MBTPS1: variants seen among roughly 807,000 people sequenced by gnomAD.
MBTPS1 encodes the protein membrane-bound transcription factor site-1 protease.
In MBTPS1, 94 loss-of-function variants were observed where a neutral mutation model predicts 127.8. That is an observed-to-expected ratio of 0.74 (90% CI 0.62 to 0.87). The LOEUF is 0.87. Ranked by LOEUF, MBTPS1 falls within the 40% of genes least tolerant of loss-of-function variation. The pLI is 0.00. For synonymous variants in MBTPS1, 632 were observed against 509.4 expected, an observed-to-expected ratio of 1.24 and a Z score of -3.24; for missense variants, 1,636 against 1,353.2, an observed-to-expected ratio of 1.21 and a Z score of -3.28.
intron 3 of MBTPS1, among the ~76,000 whole-genome samples, chr16:84,097,755 T>A (rs1399945226): frequency 6.6e-6 from 1 of 152,122 alleles, no homozygotes; most frequent in Admixed American, 6.6e-5. Context: ...ATACATAACA[T>A]CTGGAGTAGC....
chr16:84,111,482 A>C (rs1443462986), intron 1 of MBTPS1, among the ~76,000 whole-genome samples: 2 of 152,098 alleles, frequency 1.3e-5, no homozygotes. Context: ...CAGAGGTTGC[A>C]GTGAGCCAAG....
chr16:84,100,938 G>A (rs1338957927), intron 2 of MBTPS1, among the ~76,000 whole-genome samples: 2 of 149,916 alleles, frequency 1.3e-5, no homozygotes, highest in East Asian at 3.9e-4. Flanking sequence ...GTGATCACTT[G>A]AGGTCAGGAG....
At chr16:84,084,368 G>C (rs2085987180) in intron 10 of MBTPS1, among the ~76,000 whole-genome samples, 1 of 152,198 alleles carries the variant, frequency 6.6e-6, no homozygotes, top group Admixed American at 6.5e-5. Context: ...GTGACTGTCA[G>C]TCCCTGGTGG....
chr16:84,067,667 C>A lies in MBTPS1; in HGVS notation c.2228G>T (p.Arg743Met). ...RKVKFYDENT[R>M]QWWMPDTGGA... ...AAATACCAATGCGTATCAACAGTAC[C>A]TTGTGTTTTCATCATAAAACTTCAC... Residue 743 changes from arginine to methionine, a missense_variant and splice_region_variant, in exon 16 of 23, where the codon AGG becomes ATG. Arg to Met is a moderately conservative substitution (Grantham distance 91). Coordinates refer to ENST00000343411, the MANE Select transcript of MBTPS1 (RefSeq NM_003791.4). 6.2e-7 allele frequency: 1 copy of A among 1,610,274 alleles called. No homozygotes were observed. The highest frequency in any genetic ancestry group is 8.5e-7 in the Non-Finnish European group (1 of 1,176,820).
chr16:84,079,932 C>T (rs1597325437), intron 11 of MBTPS1, among the ~76,000 whole-genome samples: 3 of 152,240 alleles, frequency 2.0e-5, no homozygotes, highest in Middle Eastern at 3.4e-3. Flanking sequence ...TGGAGCACCC[C>T]GAGTGCCCAG....
At position 84,067,750 on chromosome 16, in the gene MBTPS1, G is replaced by T. The variant is rs200431341; in HGVS notation, c.2145C>A (p.Asp715Glu). 8.7e-6 allele frequency: 14 copies of T among 1,614,030 alleles called. No individual in the cohort carries two copies. The highest frequency in any genetic ancestry group is 1.2e-5 in the Non-Finnish European group (14 of 1,179,866). ...TGAAGATGACGAGCGAGAGGCCGTT[G>T]TCCACGTCCCTCCGGAGCTTGGCGA... ...EEIAKLRRDV[D>E]NGLSLVIFSD... Residue 715 changes from aspartate to glutamate, a missense_variant, in exon 16 of 23, where the codon GAC (aspartate) becomes GAA (glutamate). Physicochemically the swap from Asp to Glu is conservative, Grantham distance 45. Transcript: ENST00000343411.
intron 1 of MBTPS1, among the ~76,000 whole-genome samples, chr16:84,102,793 CTTT>C (rs908014342): frequency 6.6e-6 from 1 of 152,184 alleles, no homozygotes; most frequent in African/African-American, 2.4e-5. Context: ...TTAACACCTT[CTTT>C]AAGAAACACT....
intron 9 of MBTPS1, among the ~76,000 whole-genome samples, chr16:84,085,581 C>G (rs1480393885): frequency 2.8e-5 from 3 of 108,550 alleles, no homozygotes; most frequent in South Asian, 6.9e-4. Context: ...GCCCCCCCCC[C>G]AAAAAAAAAG....
At chr16:84,073,021 T>C (rs1254038098) in intron 12 of MBTPS1, among the ~76,000 whole-genome samples, 1 of 152,246 alleles carries the variant, frequency 6.6e-6, no homozygotes, top group Non-Finnish European at 1.5e-5. Flanking sequence ...TTCAGTGAAA[T>C]GTTTATAATT....
chr16:84,111,198 AAG>A (rs1195918518), intron 1 of MBTPS1, among the ~76,000 whole-genome samples: 3 of 142,810 alleles, frequency 2.1e-5, no homozygotes, highest in African/African-American at 8.6e-5. Context: ...GGGTGTCTAT[AAG>A]AGAGAGGCAG....
chr16:84,100,658 C>G (rs147642247), intron 2 of MBTPS1, among the ~76,000 whole-genome samples: 84 of 151,694 alleles, frequency 5.5e-4, no homozygotes, highest in African/African-American at 2.0e-3. Flanking sequence ...GCCTGGGAGG[C>G]CAAGGCTGCA....
intron 13 of MBTPS1, among the ~76,000 whole-genome samples, chr16:84,070,353 A>C (rs1292064419): frequency 6.6e-6 from 1 of 152,206 alleles, no homozygotes; most frequent in Non-Finnish European, 1.5e-5. Flanking sequence ...GGTAGAAAAC[A>C]GTCTTCTCTG....
intron 9 of MBTPS1, 41 bp downstream of exon 9, chr16:84,087,317 T>C (rs750745984): frequency 2.9e-5 from 43 of 1,501,444 alleles, no homozygotes; most frequent in Non-Finnish European, 3.9e-5. Context: ...CCACAGTAGT[T>C]TGTCCAGCTA....
chr16:84,084,860 T>C, intron 10 of MBTPS1, 123 bp downstream of exon 10: 1 of 935,104 alleles, frequency 1.1e-6, no homozygotes. Flanking sequence ...AGAGCAAGGC[T>C]GTGAAGGGCC....
chr16:84,113,064 T>G (rs564444064), intron 1 of MBTPS1, among the ~76,000 whole-genome samples: 22 of 152,292 alleles, frequency 1.4e-4, no homozygotes, highest in Admixed American at 1.3e-3. Context: ...TTAATTTTAT[T>G]TGTATATATA....
rs1170299486 is a variant in MBTPS1, at chr16:84,074,753, A to G, written c.1449-12T>C. The G allele has an allele frequency of 6.2e-7, 1 of 1,612,026 alleles. No individual in the cohort carries two copies. The highest frequency in any genetic ancestry group is 8.5e-7 in the Non-Finnish European group (1 of 1,178,848). On this transcript the variant is annotated splice_polypyrimidine_tract_variant and intron_variant, in intron 11 of 22. Transcript: ENST00000343411. ...AGCTGGGGCTCAAACTGAAATAAAG[A>G]ATACAGTGTTAGAGTAGATCATATG...
chr16:84,064,201 T>C lies in MBTPS1; in HGVS notation c.2432-756A>G, dbSNP rs546778828. 5.9e-5 allele frequency among the ~76,000 whole-genome samples: 9 copies of C among 151,952 alleles called. No individual in the cohort carries two copies. The South Asian group carries it at 1.5e-3, about 25-fold the overall frequency. On this transcript the variant is annotated intron_variant, in intron 18 of 22. Coordinates refer to ENST00000343411, the MANE Select transcript of MBTPS1 (RefSeq NM_003791.4). Reference sequence around the variant, plus strand: ...TGTACGTCTTCAGCAGAATCTAGTATTGTCCGTGTTGATAACATCTGAAAT... The same window carrying C: ...TGTACGTCTTCAGCAGAATCTAGTACTGTCCGTGTTGATAACATCTGAAAT...
chr16:84,067,572 G>T, intron 16 of MBTPS1, 95 bp downstream of exon 16: 1 of 1,031,452 alleles, frequency 9.7e-7, no homozygotes, highest in Admixed American at 2.1e-5. Flanking sequence ...CAACTGGAAA[G>T]ACCACCAACA....
At chr16:84,099,340 G>A in intron 2 of MBTPS1, 30 bp from the exon 3 acceptor site, 1 of 1,606,160 alleles carries the variant, frequency 6.2e-7, no homozygotes, top group South Asian at 1.1e-5. Context: ...ACAAAAATAA[G>A]ATTTACGCAC....
Sources: allele counts gnomAD v4.1 joint callset (sites outside exome capture counted in the v4.1 genomes callset), GRCh38; gene constraint gnomAD v4.1.1; transcripts MANE v1.5; gene names NCBI Gene and HGNC (gene_info 2026-07-23, HGNC 2026-07-21).